The following RBMS3 variants were observed in gnomAD, a reference collection of about 807,000 sequenced individuals.
The protein encoded by RBMS3 is RNA binding motif single stranded interacting protein 3.
In RBMS3, 27 loss-of-function variants were observed where a neutral mutation model predicts 66.8. That is an observed-to-expected ratio of 0.40 (90% CI 0.30 to 0.56). The LOEUF (loss-of-function observed/expected upper bound fraction) is 0.56. Ranked by LOEUF, RBMS3 falls within the 20% of genes least tolerant of loss-of-function variation. The probability of loss-of-function intolerance (pLI) is 0.40; values close to 1 mark genes in which losing one functional copy is unlikely to be tolerated. For missense variants in RBMS3, 513 were observed against 549.5 expected (o/e 0.93, Z 0.66); for synonymous variants, 188 against 183.0 (o/e 1.03, Z -0.22).
chr3:29,661,498 T>A (rs546510189), intron 4 of RBMS3, among the ~76,000 whole-genome samples: 21 of 152,298 alleles, frequency 1.4e-4, no homozygotes, highest in African/African-American at 5.1e-4. Flanking sequence ...CAGAGCAGTG[T>A]CTTAGGATTC....
intron 3 of RBMS3, among the ~76,000 whole-genome samples, chr3:29,553,808 T>TAAAAAAAA (rs10634860): frequency 1.4e-5 from 2 of 142,262 alleles, no homozygotes; most frequent in African/African-American, 2.6e-5. Flanking sequence ...ACTGGCTAAT[T>TAAAAAAAA]AAAAAAAAAA....
intron 4 of RBMS3, among the ~76,000 whole-genome samples, chr3:29,703,917 C>G (rs1433940556): frequency 6.6e-6 from 1 of 152,180 alleles, no homozygotes; most frequent in African/African-American, 2.4e-5. Flanking sequence ...CCTGCACTCC[C>G]TCCTGTCAGA....
chr3:29,445,499 T>G (rs1669658074), intron 2 of RBMS3, among the ~76,000 whole-genome samples: 2 of 152,246 alleles, frequency 1.3e-5, no homozygotes, highest in African/African-American at 2.4e-5. Context: ...CTGCTAATTC[T>G]ATGTCTAATT....
chr3:29,813,057 A>G (rs2057773474), intron 6 of RBMS3, among the ~76,000 whole-genome samples: 5 of 151,970 alleles, frequency 3.3e-5, no homozygotes, highest in Admixed American at 2.0e-4. Context: ...TTAATGTTTC[A>G]TTTGTCATGA....
At chr3:29,798,904 C>G (rs2057300105) in intron 6 of RBMS3, among the ~76,000 whole-genome samples, 1 of 145,026 alleles carries the variant, frequency 6.9e-6, no homozygotes, top group African/African-American at 2.5e-5. Context: ...TTTGCAACAT[C>G]AATTGTAATG....
intron 8 of RBMS3, among the ~76,000 whole-genome samples, chr3:29,890,507 T>A (rs2059975109): frequency 6.6e-6 from 1 of 151,646 alleles, no homozygotes; most frequent in Non-Finnish European, 1.5e-5. Context: ...AGTTGCAGCT[T>A]ACTCCAATCC....
intron 1 of RBMS3, among the ~76,000 whole-genome samples, chr3:29,433,167 A>G (rs2041272522): frequency 6.6e-6 from 1 of 151,644 alleles, no homozygotes. Flanking sequence ...TTTTTCCCTC[A>G]GATTATATTA....
At chr3:29,677,242 G>A (rs2051294746) in intron 4 of RBMS3, among the ~76,000 whole-genome samples, 1 of 152,086 alleles carries the variant, frequency 6.6e-6, no homozygotes, top group African/African-American at 2.4e-5. Flanking sequence ...CATGAGATTT[G>A]GGTGAGGACA....
At chr3:29,548,445 C>G (rs982592003) in intron 3 of RBMS3, among the ~76,000 whole-genome samples, 4 of 125,530 alleles carry the variant, frequency 3.2e-5, no homozygotes, top group African/African-American at 1.1e-4. Flanking sequence ...AACAAACAAA[C>G]AAACAAAAAA....
intron 12 of RBMS3, among the ~76,000 whole-genome samples, chr3:29,979,558 G>A (rs1162018322): frequency 6.6e-6 from 1 of 152,074 alleles, no homozygotes; most frequent in African/African-American, 2.4e-5. Flanking sequence ...TCTACATTAG[G>A]TATTTCTCCT....
chr3:29,678,518 T>C (rs2051348070), intron 4 of RBMS3, among the ~76,000 whole-genome samples: 1 of 152,068 alleles, frequency 6.6e-6, no homozygotes, highest in African/African-American at 2.4e-5. Context: ...ATAGGGCAAA[T>C]GAAAACTGGC....
chr3:29,699,978 T>C (rs555429716), intron 4 of RBMS3, among the ~76,000 whole-genome samples: 1 of 152,322 alleles, frequency 6.6e-6, no homozygotes, highest in South Asian at 2.1e-4. Context: ...CCTTTAAGAC[T>C]GAACAAAGGG....
chr3:29,530,148 A>G (rs1379965742), intron 3 of RBMS3, among the ~76,000 whole-genome samples: 1 of 152,138 alleles, frequency 6.6e-6, no homozygotes, highest in East Asian at 1.9e-4. Flanking sequence ...ATCTAAGCTG[A>G]CCTATGTATA....
At chr3:29,284,263 G>A (rs981330277) in intron 1 of RBMS3, among the ~76,000 whole-genome samples, 3 of 151,978 alleles carry the variant, frequency 2.0e-5, no homozygotes, top group African/African-American at 7.2e-5. Flanking sequence ...GTCTACGGTA[G>A]GTAAAAATCG....
chr3:29,907,948 T>G (rs1045496615), intron 10 of RBMS3, among the ~76,000 whole-genome samples: 2 of 151,978 alleles, frequency 1.3e-5, no homozygotes, highest in Admixed American at 6.6e-5. Context: ...ATAATCTATT[T>G]AAGAATTTGT....
intron 4 of RBMS3, chr3:29,616,801 G>A (rs1489176862): frequency 6.6e-6 from 1 of 152,148 alleles, no homozygotes; most frequent in Non-Finnish European, 1.5e-5. Context: ...TAATCGTCCA[G>A]CTTTATTTAA....
chr3:29,535,350 C>A (rs1209290333), intron 3 of RBMS3, among the ~76,000 whole-genome samples: 2 of 152,118 alleles, frequency 1.3e-5, no homozygotes, highest in Non-Finnish European at 2.9e-5. Context: ...TCTGTAATCT[C>A]ATTGGCTGGA....
At chr3:29,315,620 T>C (rs903781810) in intron 1 of RBMS3, among the ~76,000 whole-genome samples, 4 of 151,762 alleles carry the variant, frequency 2.6e-5, no homozygotes, top group Non-Finnish European at 5.9e-5. Context: ...CATAATTGTT[T>C]TATCAACTAG....
At chr3:29,979,185 T>G (rs6802381) in intron 12 of RBMS3, among the ~76,000 whole-genome samples, 5 of 144,404 alleles carry the variant, frequency 3.5e-5, no homozygotes, top group Non-Finnish European at 7.4e-5. Context: ...ACAACAACAA[T>G]GACAAAACTG....
Sources: gnomAD v4.1 joint callset for allele counts (sites outside exome capture counted in the v4.1 genomes callset) on GRCh38, gnomAD v4.1.1 for gene constraint, MANE v1.5 for transcripts, NCBI Gene and HGNC (gene_info 2026-07-23, HGNC 2026-07-21) for gene names.